The following ANO10 variants were observed in gnomAD, a reference collection of about 807,000 sequenced individuals.
The protein encoded by ANO10 is anoctamin-10.
ANO10 carries 77 observed loss-of-function variants against 74.7 expected under a neutral mutation model. The ratio of observed to expected loss-of-function variants is 1.03; its 90% CI spans 0.86 to 1.25. The LOEUF (loss-of-function observed/expected upper bound fraction) is 1.25, where lower values mean the gene tolerates loss of function less well. Ranked by LOEUF, ANO10 falls within the 50% of genes most tolerant of loss-of-function variation. The pLI is 0.00. For missense variants in ANO10, 721 were observed against 778.1 expected (o/e 0.93, Z 0.87); for synonymous variants, 279 against 284.9 (o/e 0.98, Z 0.21).
At chr3:43,428,280 C>T (rs942648751) in intron 12 of ANO10, among the ~76,000 whole-genome samples, 1 of 151,982 alleles carries the variant, frequency 6.6e-6, no homozygotes, top group Non-Finnish European at 1.5e-5. Flanking sequence ...GAACTCCTGA[C>T]CTCAACTGAT....
chr3:43,529,751 A>C (rs183271270), intron 11 of ANO10, among the ~76,000 whole-genome samples: 3 of 152,344 alleles, frequency 2.0e-5, no homozygotes, highest in African/African-American at 7.2e-5. Flanking sequence ...CAAACCAAAC[A>C]GTAGAAATCT....
intron 1 of ANO10, among the ~76,000 whole-genome samples, chr3:43,649,949 T>A (rs58021598): frequency 0.054 from 8,224 of 152,298 alleles, 349 homozygotes; most frequent in South Asian, 0.12. Flanking sequence ...TGTGACTCCC[T>A]GAGCCCAAGA....
chr3:43,479,467 A>G (rs937983463), intron 11 of ANO10, among the ~76,000 whole-genome samples: 2 of 152,336 alleles, frequency 1.3e-5, no homozygotes, highest in East Asian at 1.9e-4. Context: ...GTACTCAACA[A>G]TAAAAAAGAA....
chr3:43,468,914 G>A (rs2075739981), intron 11 of ANO10, among the ~76,000 whole-genome samples: 1 of 151,568 alleles, frequency 6.6e-6, no homozygotes, highest in East Asian at 1.9e-4. Context: ...GTTTCACTGT[G>A]TTAGCCAGGA....
intron 1 of ANO10, among the ~76,000 whole-genome samples, chr3:43,631,393 C>T (rs1224174819): frequency 6.6e-6 from 1 of 152,174 alleles, no homozygotes; most frequent in African/African-American, 2.4e-5. Context: ...GTTTTCATTT[C>T]TGTTCCTCAG....
In ANO10 at chr3:43,577,228, G is replaced by A. The variant is rs1235537444; in HGVS notation, c.626C>T (p.Ala209Val). Residue 209 changes from alanine to valine, a missense_variant, in exon 6 of 13, where the codon GCT becomes GTT. Ala to Val is a moderately conservative substitution (Grantham distance 64, BLOSUM62 0). Coordinates refer to ENST00000292246, the MANE Select transcript of ANO10 (RefSeq NM_018075.5). ...SIRGYFGETIALYFGFLEYFT... is the reference protein window; with the variant it reads ...SIRGYFGETIVLYFGFLEYFT... ...ATACTCCAAAAATCCAAAGTACAGA[G>A]CAATTGTTTCCCCAAAGTAGCCACG... 2.5e-6 allele frequency: 4 copies of A among 1,613,976 alleles called. No homozygotes were observed. Among genetic ancestry groups the A allele is most frequent in the African/African-American group, 2.7e-5 (2 of 74,920 alleles).
chr3:43,643,545 T>C (rs935373993), intron 1 of ANO10, among the ~76,000 whole-genome samples: 1 of 151,930 alleles, frequency 6.6e-6, no homozygotes, highest in Non-Finnish European at 1.5e-5. Flanking sequence ...CGTCATTTCA[T>C]ATGTGTAGGG....
At chr3:43,548,475 C>A in intron 11 of ANO10, among the ~76,000 whole-genome samples, 1 of 152,332 alleles carries the variant, frequency 6.6e-6, no homozygotes, top group African/African-American at 2.4e-5. Flanking sequence ...TGTCTAAAAT[C>A]ATTCTCCAAA....
At chr3:43,590,303 C>T (rs534863902) in intron 4 of ANO10, among the ~76,000 whole-genome samples, 193 of 152,070 alleles carry the variant, frequency 1.3e-3, no homozygotes, top group African/African-American at 4.5e-3. Context: ...ATAATTTATC[C>T]TAAGAAAATA....
At chr3:43,681,171 A>G (rs1250319332) in intron 1 of ANO10, among the ~76,000 whole-genome samples, 1 of 152,090 alleles carries the variant, frequency 6.6e-6, no homozygotes, top group Non-Finnish European at 1.5e-5. Context: ...AGTGTATTAT[A>G]TTCGGGAAAC....
intron 1 of ANO10, among the ~76,000 whole-genome samples, chr3:43,655,275 G>A (rs12496754): frequency 0.13 from 20,396 of 151,940 alleles, 2,922 homozygotes; most frequent in African/African-American, 0.36. Context: ...AGCTCTTAAG[G>A]TGGCGCGTCT....
intron 1 of ANO10, among the ~76,000 whole-genome samples, chr3:43,642,587 A>T (rs1559381574): frequency 6.6e-6 from 1 of 152,298 alleles, no homozygotes; most frequent in African/African-American, 2.4e-5. Flanking sequence ...TATATAAAAC[A>T]TTTATGTGGT....
At position 43,565,684 on chromosome 3, in the gene ANO10, A is replaced by G. The variant is rs1019870798; in HGVS notation, c.1262T>C (p.Phe421Ser). Reference sequence around the variant, plus strand: ...CAAAAGCTTCATATCTTTCAAGACAAAGGCAATATAGAAGAGTGAGGCAAA... The same window carrying G: ...CAAAAGCTTCATATCTTTCAAGACAGAGGCAATATAGAAGAGTGAGGCAAA... Reference protein sequence around the residue: ...NCFASLFYIAFVLKDMKLLRQ... With the variant: ...NCFASLFYIASVLKDMKLLRQ... Residue 421 changes from phenylalanine (F) to serine (S), a missense_variant, in exon 8 of 13, where the codon TTT becomes TCT. Coordinates refer to ENST00000292246, the MANE Select transcript of ANO10 (RefSeq NM_018075.5). 6 of 1,580,770 alleles carry G rather than the reference A, an allele frequency of 3.8e-6. No individual in the cohort carries two copies. Among genetic ancestry groups the G allele is most frequent in the Non-Finnish European group, 5.2e-6 (6 of 1,162,266 alleles).
chr3:43,628,903 A>C (rs547762441), intron 1 of ANO10, among the ~76,000 whole-genome samples: 2 of 152,348 alleles, frequency 1.3e-5, no homozygotes, highest in East Asian at 3.9e-4. Context: ...AAACTTCATT[A>C]GCAATTTTAA....
intron 3 of ANO10, among the ~76,000 whole-genome samples, chr3:43,599,837 C>T (rs189635008): frequency 7.6e-4 from 115 of 151,290 alleles, no homozygotes; most frequent in Non-Finnish European, 1.2e-3. Context: ...ACCCGAGAGG[C>T]GGAGCTTGCA....
At chr3:43,673,808 C>T (rs2084088916) in intron 1 of ANO10, among the ~76,000 whole-genome samples, 1 of 152,036 alleles carries the variant, frequency 6.6e-6, no homozygotes. Context: ...TTTTCTGGGG[C>T]TGGGGAACAT....
At chr3:43,628,064 A>C (rs1347852588) in intron 1 of ANO10, among the ~76,000 whole-genome samples, 1 of 152,054 alleles carries the variant, frequency 6.6e-6, no homozygotes, top group East Asian at 1.9e-4. Flanking sequence ...AGGATTTCCA[A>C]GTTTACAGTC....
rs36126977 is a variant in ANO10 at position 43,466,369 on chromosome 3, C to CAA, written c.1798-33644_1798-33643dup. On this transcript the variant is annotated intron_variant, in intron 11 of 12. Transcript: ENST00000292246. ...CTGGTGACAGAGCAAGACTCCATCT[C>CAA]AAAAAAAAAAAAAAAAAACAAACAA... Among the ~76,000 whole-genome samples the CAA allele has an allele frequency of 3.0e-3, 137 of 45,222 alleles. 3 individuals are homozygous for CAA. Among genetic ancestry groups the CAA allele is most frequent in the Middle Eastern group, 0.02 (1 of 50 alleles). 29.7% of individuals were successfully genotyped at this position (45,222 alleles called of 152,430 possible).
At chr3:43,515,571 T>A (rs2077676126) in intron 11 of ANO10, among the ~76,000 whole-genome samples, 2 of 152,176 alleles carry the variant, frequency 1.3e-5, no homozygotes, top group African/African-American at 4.8e-5. Context: ...ATTGGTTCTA[T>A]TTTTCTGGAG....
Sources: gnomAD v4.1 joint callset for allele counts (sites outside exome capture counted in the v4.1 genomes callset) on GRCh38, gnomAD v4.1.1 for gene constraint, MANE v1.5 for transcripts, NCBI Gene and HGNC (gene_info 2026-07-23, HGNC 2026-07-21) for gene names.